Variants in AKAP10 observed in about 807,000 individuals in gnomAD.
AKAP10 encodes A-kinase anchor protein 10, mitochondrial.
In AKAP10, 24 loss-of-function variants were observed where a neutral mutation model predicts 80.8. That is an observed-to-expected ratio of 0.30 (90% confidence interval 0.22 to 0.42). The LOEUF (loss-of-function observed/expected upper bound fraction) is 0.42, where lower values mean the gene tolerates loss of function less well. Ranked by LOEUF, AKAP10 falls within the 10% of genes least tolerant of loss-of-function variation. The pLI is 1.00. For missense variants in AKAP10, 661 were observed against 794.9 expected, an observed-to-expected ratio of 0.83 and a Z score of 2.03; for synonymous variants, 291 against 277.7, an observed-to-expected ratio of 1.05 and a Z score of -0.48.
At chr17:19,913,675 C>G (rs2042715554) in intron 12 of AKAP10, among the ~76,000 whole-genome samples, 1 of 152,172 alleles carries the variant, frequency 6.6e-6, no homozygotes, top group Non-Finnish European at 1.5e-5. Flanking sequence ...TAAGAAATAT[C>G]AATTATTTGG....
At chr17:19,960,157 C>T (rs1315389961) in intron 3 of AKAP10, among the ~76,000 whole-genome samples, 1 of 152,146 alleles carries the variant, frequency 6.6e-6, no homozygotes, top group Non-Finnish European at 1.5e-5. Context: ...AGCTATAGTA[C>T]AATATCACTC....
chr17:19,970,030 C>T (rs1366208980), intron 1 of AKAP10, among the ~76,000 whole-genome samples: 1 of 152,144 alleles, frequency 6.6e-6, no homozygotes, highest in East Asian at 1.9e-4. Flanking sequence ...GCTTACAATA[C>T]CATAGATACG....
At chr17:19,963,095 A>C in intron 2 of AKAP10, 73 bp from the exon 3 acceptor site, 1 of 1,288,844 alleles carries the variant, frequency 7.8e-7, no homozygotes, top group Non-Finnish European at 1.0e-6. Context: ...AGGGGCTTTC[A>C]GAGAACTTTA....
At chr17:19,920,871 A>C (rs2042803761) in intron 11 of AKAP10, among the ~76,000 whole-genome samples, 1 of 149,370 alleles carries the variant, frequency 6.7e-6, no homozygotes, top group African/African-American at 2.5e-5. Flanking sequence ...AAAAAAAAAA[A>C]AAAAAAAAAA....
chr17:19,920,026 C>T lies in AKAP10; in HGVS notation c.1834+10G>A. The T allele has an allele frequency of 6.2e-7, 1 of 1,607,104 alleles. No homozygotes were observed. Among genetic ancestry groups the T allele is most frequent in the Non-Finnish European group, 8.5e-7 (1 of 1,174,594 alleles). On this transcript the variant is annotated intron_variant, in intron 12 of 14. Coordinates refer to ENST00000225737, the MANE Select transcript of AKAP10 (RefSeq NM_007202.4). The stretch of plus-strand genomic sequence containing the variant: ...AAAGGCTTAATATGAAGTATAAAAA[C>T]ACCACAAACCTTTTGATTTCCTTAC...
intron 12 of AKAP10, among the ~76,000 whole-genome samples, chr17:19,914,273 T>G (rs915011977): frequency 1.3e-5 from 2 of 152,212 alleles, no homozygotes; most frequent in African/African-American, 4.8e-5. Context: ...GTATTGAGAT[T>G]ACAGGTGTGA....
intron 4 of AKAP10, among the ~76,000 whole-genome samples, chr17:19,952,134 C>G (rs891705496): frequency 2.0e-5 from 3 of 148,880 alleles, no homozygotes; most frequent in Admixed American, 6.8e-5. Context: ...ATTAAATTTA[C>G]CAACAAAAAC....
chr17:19,935,120 T>C (rs2042979208), intron 9 of AKAP10, among the ~76,000 whole-genome samples: 1 of 152,220 alleles, frequency 6.6e-6, no homozygotes, highest in Admixed American at 6.5e-5. Flanking sequence ...TATGGCCTAC[T>C]ACACCCCTTG....
At position 19,947,465 on chromosome 17, in the gene AKAP10, T is replaced by A; in HGVS notation, c.918A>T (p.Ile306=). ...GTATTGGTTTAGCAGCATCTGGAGATATATATTTGGTAAAAGTATTCACTG... is the reference window on the plus strand; with the variant it reads ...GTATTGGTTTAGCAGCATCTGGAGAAATATATTTGGTAAAAGTATTCACTG... ...QDAVNTFTKY[I]SPDAAKPIPI... Residue 306 remains isoleucine (I), a synonymous_variant, in exon 5 of 15, where the codon ATA becomes ATT. Transcript: ENST00000225737. 1 of 1,613,138 alleles carries A rather than the reference T, an allele frequency of 6.2e-7. No individual in the cohort carries two copies. Among genetic ancestry groups the A allele is most frequent in the Non-Finnish European group, 8.5e-7 (1 of 1,179,190 alleles).
chr17:19,914,573 A>G (rs1373956477), intron 12 of AKAP10, among the ~76,000 whole-genome samples: 1 of 142,716 alleles, frequency 7.0e-6, no homozygotes, highest in African/African-American at 2.6e-5. Context: ...GCCCAAGAAG[A>G]TGAGGCTGCA....
At chr17:19,942,517 A>G (rs1016694266) in intron 5 of AKAP10, among the ~76,000 whole-genome samples, 1 of 152,238 alleles carries the variant, frequency 6.6e-6, no homozygotes, top group Non-Finnish European at 1.5e-5. Flanking sequence ...AGTTTCTAGC[A>G]TAACTTTAAA....
chr17:19,971,272 G>A (rs544854508), intron 1 of AKAP10, among the ~76,000 whole-genome samples: 2 of 151,940 alleles, frequency 1.3e-5, no homozygotes, highest in African/African-American at 4.8e-5. Flanking sequence ...ACTTTGGGAG[G>A]CCAAGTTGGG....
At chr17:19,938,251 T>G (rs76932349) in intron 8 of AKAP10, among the ~76,000 whole-genome samples, 1 of 146,718 alleles carries the variant, frequency 6.8e-6, no homozygotes, top group Non-Finnish European at 1.5e-5. Flanking sequence ...TTTTTTTTTT[T>G]TCTGAGACAG....
chr17:19,922,352 T>A (rs2042826896), intron 11 of AKAP10, among the ~76,000 whole-genome samples: 1 of 152,202 alleles, frequency 6.6e-6, no homozygotes, highest in Non-Finnish European at 1.5e-5. Context: ...ACAAATTTAC[T>A]TGCCTTGAGA....
At chr17:19,963,387 C>T (rs962150338) in intron 2 of AKAP10, among the ~76,000 whole-genome samples, 5 of 151,728 alleles carry the variant, frequency 3.3e-5, no homozygotes, top group Admixed American at 6.6e-5. Flanking sequence ...AGCCAGAAAA[C>T]ATTCTAATAT....
intron 5 of AKAP10, 65 bp downstream of exon 5, chr17:19,947,342 G>A (rs2043145899): frequency 4.0e-6 from 5 of 1,258,226 alleles, no homozygotes; most frequent in Admixed American, 2.1e-5. Flanking sequence ...AGTCAATAAC[G>A]AAAATTGTCA....
intron 10 of AKAP10, among the ~76,000 whole-genome samples, chr17:19,929,946 C>T (rs1339909386): frequency 6.7e-6 from 1 of 148,202 alleles, no homozygotes; most frequent in East Asian, 2.0e-4. Flanking sequence ...CATTGCACTC[C>T]AGCCTGGGCG....
At chr17:19,909,149 T>C in intron 14 of AKAP10, 32 bp downstream of exon 14, 1 of 1,553,014 alleles carries the variant, frequency 6.4e-7, no homozygotes, top group South Asian at 1.2e-5. Flanking sequence ...AAATAATACT[T>C]TTTAGTTTAC....
In AKAP10 at chr17:19,931,951, T is replaced by C; in HGVS notation, c.1495A>G (p.Asn499Asp). The change falls in exon 10 of 15, where the codon AAT becomes GAT. Residue 499 changes from asparagine to aspartate, a missense_variant. Transcript: ENST00000225737. ...TCATTCAAATATTTATAATAAAGAT[T>C]GCTGGACAAAAAGCCAGGCAAAAAG... ...KVFLPGFLSS[N>D]LYYKYLNDLI... 1 of 1,613,282 alleles carries C rather than the reference T, an allele frequency of 6.2e-7. No homozygotes were observed. The highest frequency in any genetic ancestry group is 8.5e-7 in the Non-Finnish European group (1 of 1,179,786).
Sources: allele counts gnomAD v4.1 joint callset (sites outside exome capture counted in the v4.1 genomes callset), GRCh38; gene constraint gnomAD v4.1.1; transcripts MANE v1.5; gene names NCBI Gene and HGNC (gene_info 2026-07-23, HGNC 2026-07-21).